TMEM132C: variants seen among roughly 807,000 people sequenced by gnomAD.
TMEM132C encodes the protein transmembrane protein 132C.
TMEM132C carries 29 observed loss-of-function variants against 61.4 expected under a neutral mutation model. The ratio of observed to expected loss-of-function variants is 0.47; its 90% CI spans 0.35 to 0.64. The LOEUF (loss-of-function observed/expected upper bound fraction) is 0.64. TMEM132C is among the 30% of genes least tolerant of loss of function. The pLI, the probability that TMEM132C is intolerant of heterozygous loss-of-function variation, is 0.00. For synonymous variants in TMEM132C, 656 were observed against 633.1 expected (o/e 1.04, Z -0.54); for missense variants, 1,408 against 1,476.9 (o/e 0.95, Z 0.76).
intron 1 of TMEM132C, among the ~76,000 whole-genome samples, chr12:128,371,565 A>G (rs1874029141): frequency 6.6e-6 from 1 of 152,062 alleles, no homozygotes; most frequent in African/African-American, 2.4e-5. Context: ...ATGTATGTAT[A>G]TGTGTATGTA....
intron 3 of TMEM132C, among the ~76,000 whole-genome samples, chr12:128,598,452 A>G (rs1212231165): frequency 1.3e-5 from 2 of 152,022 alleles, no homozygotes; most frequent in African/African-American, 4.8e-5. Flanking sequence ...AAAAAAAGTC[A>G]GAGGAATGAG....
intron 4 of TMEM132C, among the ~76,000 whole-genome samples, chr12:128,664,182 GCACGCAGGCACT>G (rs767649809): frequency 2.6e-4 from 27 of 102,282 alleles, no homozygotes; most frequent in Non-Finnish European, 5.4e-4. Context: ...CCACACGCAT[GCACGCAGGCACT>G]CACACAGGCA....
Position 128,530,738 on chromosome 12 carries a change from C to T in TMEM132C, c.975-13219C>T, listed in dbSNP as rs112634352. Among the ~76,000 whole-genome samples, 151 of 152,292 alleles carry T rather than the reference C, an allele frequency of 9.9e-4. 1 individual carries two copies. Among genetic ancestry groups the T allele is most frequent in the African/African-American group, 3.1e-3 (129 of 41,568 alleles). On this transcript the variant is annotated intron_variant, in intron 2 of 8. Coordinates refer to ENST00000435159, the MANE Select transcript of TMEM132C (RefSeq NM_001136103.3). ...GATTATAGGCATGAGCCACCATGCCCGGCCTCCAATAACACTTCTTTATAT... is the reference window on the plus strand; with the variant it reads ...GATTATAGGCATGAGCCACCATGCCTGGCCTCCAATAACACTTCTTTATAT...
At chr12:128,651,176 T>C (rs1954265870) in intron 4 of TMEM132C, among the ~76,000 whole-genome samples, 1 of 152,254 alleles carries the variant, frequency 6.6e-6, no homozygotes, top group Non-Finnish European at 1.5e-5. Context: ...CTGGATCTCC[T>C]GTTGCCCAAG....
chr12:128,407,204 A>G (rs1056808944), intron 1 of TMEM132C, among the ~76,000 whole-genome samples: 1 of 152,144 alleles, frequency 6.6e-6, no homozygotes, highest in Admixed American at 6.5e-5. Flanking sequence ...CACAAGATCT[A>G]ATGGTTTTAT....
chr12:128,321,150 T>A (rs1240006835), intron 1 of TMEM132C, among the ~76,000 whole-genome samples: 79 of 145,820 alleles, frequency 5.4e-4, no homozygotes, highest in South Asian at 2.1e-3. Flanking sequence ...ATAATAATAA[T>A]AATAATAATA....
chr12:128,659,383 C>G (rs909617014), intron 4 of TMEM132C, among the ~76,000 whole-genome samples: 1 of 152,202 alleles, frequency 6.6e-6, no homozygotes, highest in African/African-American at 2.4e-5. Context: ...TTCTGAGAAG[C>G]AGCACATGGT....
chr12:128,591,816 C>T (rs1208827848), intron 3 of TMEM132C, among the ~76,000 whole-genome samples: 1 of 151,994 alleles, frequency 6.6e-6, no homozygotes, highest in Non-Finnish European at 1.5e-5. Flanking sequence ...CTTTGGGAGG[C>T]CGAGGCAGGT....
chr12:128,379,145 T>C (rs1259097944), intron 1 of TMEM132C, among the ~76,000 whole-genome samples: 1 of 152,204 alleles, frequency 6.6e-6, no homozygotes, highest in Non-Finnish European at 1.5e-5. Context: ...GGATTGGTTG[T>C]TCATCGCAGC....
chr12:128,589,211 C>T (rs75794643), intron 3 of TMEM132C, among the ~76,000 whole-genome samples: 8 of 152,146 alleles, frequency 5.3e-5, no homozygotes, highest in African/African-American at 1.9e-4. Context: ...GAAGGCAAGG[C>T]GCACAAGGAA....
intron 5 of TMEM132C, among the ~76,000 whole-genome samples, chr12:128,692,404 A>T (rs1325581102): frequency 6.6e-6 from 1 of 152,248 alleles, no homozygotes; most frequent in East Asian, 1.9e-4. Context: ...AAGATTTCTT[A>T]GTTTAAGAGG....
At chr12:128,409,543 G>A (rs937376166) in intron 1 of TMEM132C, among the ~76,000 whole-genome samples, 9 of 152,130 alleles carry the variant, frequency 5.9e-5, no homozygotes, top group Non-Finnish European at 1.3e-4. Context: ...TCAAAGACAA[G>A]CTGGAAACCC....
chr12:128,616,307 A>C lies in TMEM132C; in HGVS notation c.1277A>C (p.Asp426Ala). Reference sequence around the variant, plus strand: ...TCCGAGATCTTTGTCAGCCAGAAGGACCTGGTGGGCATCGTTCCCTTGGCT... The same window carrying C: ...TCCGAGATCTTTGTCAGCCAGAAGGCCCTGGTGGGCATCGTTCCCTTGGCT... The part of the protein sequence containing the change: ...AVSEIFVSQK[D>A]LVGIVPLAMD... The change falls in exon 4 of 9, where the codon GAC (aspartate) becomes GCC (alanine). Residue 426 changes from aspartate to alanine, a missense_variant. Asp to Ala is a moderately radical substitution (Grantham distance 126). Coordinates refer to ENST00000435159, the MANE Select transcript of TMEM132C (RefSeq NM_001136103.3). The C allele has an allele frequency of 6.4e-7, 1 of 1,551,904 alleles. No individual in the cohort carries two copies. The highest frequency in any genetic ancestry group is 8.7e-7 in the Non-Finnish European group (1 of 1,147,002).
At chr12:128,383,422 C>T (rs73436622) in intron 1 of TMEM132C, among the ~76,000 whole-genome samples, 7,951 of 152,236 alleles carry the variant, frequency 0.052, 374 homozygotes, top group African/African-American at 0.14. Flanking sequence ...AGCTCGCAGC[C>T]GTGCTGAGTC....
chr12:128,706,781 G>A lies in TMEM132C; in HGVS notation c.*486G>A, dbSNP rs1390460589. On this transcript the variant is annotated 3_prime_UTR_variant, in exon 9 of 9. Transcript: ENST00000435159. Reference sequence around the variant, plus strand: ...CTTCAACTGTCACCACACAGCTGGGGGGGAGTCATTTCTTAACAAGGGATG... The same window carrying A: ...CTTCAACTGTCACCACACAGCTGGGAGGGAGTCATTTCTTAACAAGGGATG... 1.3e-5 allele frequency: 2 copies of A among 152,848 alleles called. No individual in the cohort carries two copies. The highest frequency in any genetic ancestry group is 2.9e-5 in the Non-Finnish European group (2 of 68,528). 9.5% of individuals were successfully genotyped at this position (152,848 alleles called of 1,614,324 possible).
chr12:128,629,246 G>A (rs1053841048), intron 4 of TMEM132C, among the ~76,000 whole-genome samples: 1 of 152,186 alleles, frequency 6.6e-6, no homozygotes, highest in African/African-American at 2.4e-5. Flanking sequence ...CAGTTTCAGT[G>A]GCTCACGCCT....
At chr12:128,530,187 G>C (rs967807985) in intron 2 of TMEM132C, among the ~76,000 whole-genome samples, 1 of 152,148 alleles carries the variant, frequency 6.6e-6, no homozygotes, top group Admixed American at 6.5e-5. Context: ...ACGATGATTT[G>C]ATGGGAACGA....
chr12:128,291,604 C>G (rs58127027), intron 1 of TMEM132C, among the ~76,000 whole-genome samples: 22,581 of 152,256 alleles, frequency 0.15, 1,951 homozygotes, highest in East Asian at 0.27. Context: ...AGTTGTCCTG[C>G]TGTTCCCGTA....
chr12:128,543,898 C>A, intron 2 of TMEM132C, 59 bp from the exon 3 acceptor site: 1 of 1,512,992 alleles, frequency 6.6e-7, no homozygotes, highest in African/African-American at 1.4e-5. Flanking sequence ...GAGCTGGGCA[C>A]GTTGGAAAGG....
Sources: allele counts gnomAD v4.1 joint callset (sites outside exome capture counted in the v4.1 genomes callset), GRCh38; gene constraint gnomAD v4.1.1; transcripts MANE v1.5; gene names NCBI Gene and HGNC (gene_info 2026-07-23, HGNC 2026-07-21).